FBXL17: variants seen among roughly 807,000 people sequenced by gnomAD.
FBXL17 encodes the protein F-box/LRR-repeat protein 17.
Under a neutral mutation model 66.2 loss-of-function variants are expected in FBXL17, and 22 were observed. The ratio of observed to expected loss-of-function variants is 0.33; its 90% CI spans 0.24 to 0.47. The LOEUF (loss-of-function observed/expected upper bound fraction) is 0.47, where lower values mean the gene tolerates loss of function less well. Among genes scored for constraint, FBXL17 ranks in the 20% least tolerant of loss-of-function variants. FBXL17 has a pLI of 1.00. For missense variants in FBXL17, 878 were observed against 948.2 expected, an observed-to-expected ratio of 0.93 and a Z score of 0.97; for synonymous variants, 474 against 400.5, an observed-to-expected ratio of 1.18 and a Z score of -2.19.
chr5:108,138,215 T>C (rs1751217602), intron 6 of FBXL17, among the ~76,000 whole-genome samples: 1 of 152,110 alleles, frequency 6.6e-6, no homozygotes, highest in Non-Finnish European at 1.5e-5. Context: ...ACCAAGAAAA[T>C]ACATTTCAGA....
intron 4 of FBXL17, among the ~76,000 whole-genome samples, chr5:108,303,014 T>C (rs1758662410): frequency 1.3e-5 from 2 of 151,852 alleles, no homozygotes; most frequent in African/African-American, 2.4e-5. Flanking sequence ...TGAAATTATA[T>C]AGTTTCACCA....
At chr5:108,338,299 A>T (rs1248538690) in intron 4 of FBXL17, among the ~76,000 whole-genome samples, 1 of 152,144 alleles carries the variant, frequency 6.6e-6, no homozygotes, top group East Asian at 1.9e-4. Context: ...ATTCTCAAAG[A>T]TATACAGTAA....
intron 3 of FBXL17, among the ~76,000 whole-genome samples, chr5:108,351,778 C>T (rs1747674042): frequency 6.6e-6 from 1 of 152,148 alleles, no homozygotes; most frequent in South Asian, 2.1e-4. Flanking sequence ...ACAGTTAGTA[C>T]ACAAGCTAGA....
At chr5:108,245,950 T>G (rs1168165820) in intron 4 of FBXL17, among the ~76,000 whole-genome samples, 2 of 152,170 alleles carry the variant, frequency 1.3e-5, no homozygotes, top group Non-Finnish European at 2.9e-5. Flanking sequence ...CAGTAAGTAC[T>G]CAATAAATAT....
At chr5:108,200,526 A>G (rs901282976) in intron 5 of FBXL17, among the ~76,000 whole-genome samples, 1 of 152,110 alleles carries the variant, frequency 6.6e-6, no homozygotes, top group Non-Finnish European at 1.5e-5. Flanking sequence ...TTCTTCTTTG[A>G]GCCAGATGAA....
chr5:108,381,987 C>G lies in FBXL17; in HGVS notation c.-296G>C. 1 of 1,183,252 alleles carries G rather than the reference C, an allele frequency of 8.5e-7. No individual in the cohort carries two copies. Among genetic ancestry groups the G allele is most frequent in the Non-Finnish European group, 1.0e-6 (1 of 954,792 alleles). 73.3% of individuals were successfully genotyped at this position (1,183,252 alleles called of 1,614,324 possible). On this transcript the variant is annotated 5_prime_UTR_variant, in exon 1 of 9. Coordinates refer to ENST00000542267, the MANE Select transcript of FBXL17 (RefSeq NM_001163315.3). ...CGAGCCTGCCGGCTAGGCGACCAGT[C>G]CGGGCCCGGCCAGCCGGCTCAGTCA... is the stretch of plus-strand genomic sequence containing the variant.
rs183441974 is a variant in FBXL17, at chr5:107,879,456, C to T, written c.1965+1581G>A. 1.2e-4 allele frequency: 116 copies of T among 985,396 alleles called. No individual in the cohort carries two copies. The East Asian group carries it at 7.9e-3, about 67-fold the overall frequency. 61.0% of individuals were successfully genotyped at this position (985,396 alleles called of 1,614,324 possible). On this transcript the variant is annotated intron_variant, in intron 8 of 8. Transcript: ENST00000542267. ...AGATTTGTGGGAGACTCGCAAGCCC[C>T]GGATCTCAGTGCTGTTGCTTAGTTA...
chr5:107,908,489 G>A (rs1298822918), intron 7 of FBXL17, among the ~76,000 whole-genome samples: 1 of 152,146 alleles, frequency 6.6e-6, no homozygotes, highest in African/African-American at 2.4e-5. Context: ...AAAGTTAAAG[G>A]AAGTCTGAGC....
At chr5:108,295,410 T>C (rs1758305422) in intron 4 of FBXL17, among the ~76,000 whole-genome samples, 1 of 152,018 alleles carries the variant, frequency 6.6e-6, no homozygotes, top group South Asian at 2.1e-4. Flanking sequence ...TCTTATAACA[T>C]AAATACTGTT....
At chr5:108,363,379 A>C (rs1469899919) in intron 3 of FBXL17, among the ~76,000 whole-genome samples, 1 of 151,928 alleles carries the variant, frequency 6.6e-6, no homozygotes, top group African/African-American at 2.4e-5. Flanking sequence ...AGTACAGAAA[A>C]ATATTCTCTA....
intron 6 of FBXL17, among the ~76,000 whole-genome samples, chr5:108,168,382 A>C (rs1435695079): frequency 6.6e-6 from 1 of 152,212 alleles, no homozygotes; most frequent in Middle Eastern, 3.2e-3. Context: ...CTAGCTTACA[A>C]ATGTGATTAT....
intron 5 of FBXL17, among the ~76,000 whole-genome samples, chr5:108,188,535 C>A (rs147965973): frequency 2.0e-5 from 3 of 152,264 alleles, no homozygotes; most frequent in African/African-American, 7.2e-5. Flanking sequence ...TTACAAAGTT[C>A]CTATTCAATA....
chr5:108,197,766 TC>T (rs1753736817), intron 5 of FBXL17, among the ~76,000 whole-genome samples: 1 of 152,118 alleles, frequency 6.6e-6, no homozygotes, highest in Non-Finnish European at 1.5e-5. Flanking sequence ...TTTCTGGCAT[TC>T]CAAAAATGTT....
intron 7 of FBXL17, among the ~76,000 whole-genome samples, chr5:107,965,308 C>T (rs189439651): frequency 6.6e-5 from 10 of 152,170 alleles, no homozygotes; most frequent in East Asian, 3.9e-4. Context: ...GGTTTAACAA[C>T]GCTTGTATGT....
chr5:108,104,823 A>C (rs1468339100), intron 6 of FBXL17, among the ~76,000 whole-genome samples: 1 of 152,064 alleles, frequency 6.6e-6, no homozygotes, highest in Admixed American at 6.6e-5. Context: ...GGGAGTACAC[A>C]ATTATGTTTT....
chr5:108,177,094 A>G (rs534912799), intron 6 of FBXL17, among the ~76,000 whole-genome samples: 1 of 152,338 alleles, frequency 6.6e-6, no homozygotes, highest in African/African-American at 2.4e-5. Flanking sequence ...TATTCGCTAC[A>G]ACCTACAAGG....
chr5:108,039,549 GC>G (rs1746969743), intron 6 of FBXL17, among the ~76,000 whole-genome samples: 1 of 151,954 alleles, frequency 6.6e-6, no homozygotes. Context: ...AAAAATAAAT[GC>G]CTAAAATAAA....
intron 7 of FBXL17, among the ~76,000 whole-genome samples, chr5:108,007,654 G>A (rs11242658): frequency 0.018 from 2,593 of 143,354 alleles, 72 homozygotes; most frequent in African/African-American, 0.074. Context: ...CCGAGTATAC[G>A]GTATGTAGGC....
intron 4 of FBXL17, among the ~76,000 whole-genome samples, chr5:108,329,970 C>A (rs1420638151): frequency 1.3e-5 from 2 of 151,770 alleles, no homozygotes; most frequent in African/African-American, 4.9e-5. Flanking sequence ...AATCAGTAGA[C>A]CAGCATGGCC....
Sources: allele counts gnomAD v4.1 joint callset (sites outside exome capture counted in the v4.1 genomes callset), GRCh38; gene constraint gnomAD v4.1.1; transcripts MANE v1.5; gene names NCBI Gene and HGNC (gene_info 2026-07-23, HGNC 2026-07-21).